The following RBM44 variants were observed in gnomAD, a reference collection of about 807,000 sequenced individuals.
The protein encoded by RBM44 is RNA-binding protein 44.
Under a neutral mutation model 105.1 loss-of-function variants are expected in RBM44, and 66 were observed. The observed-to-expected ratio is 0.63, with a 90% CI of 0.52 to 0.77. The LOEUF is 0.77. Ranked by LOEUF, RBM44 falls within the 30% of genes least tolerant of loss-of-function variation. The pLI is 0.00. For missense variants in RBM44, 1,122 were observed against 1,207.8 expected (o/e 0.93, Z 1.05); for synonymous variants, 365 against 417.6 (o/e 0.87, Z 1.54).
chr2:237,837,381 T>G (rs1051532018), intron 15 of RBM44, among the ~76,000 whole-genome samples: 1 of 152,160 alleles, frequency 6.6e-6, no homozygotes, highest in African/African-American at 2.4e-5. Context: ...GAAAACTTTA[T>G]GGAAAGGAGT....
intron 2 of RBM44, among the ~76,000 whole-genome samples, chr2:237,816,745 C>T (rs1204475810): frequency 1.3e-5 from 2 of 152,114 alleles, no homozygotes; most frequent in Non-Finnish European, 2.9e-5. Context: ...GGGTCTTGCC[C>T]TCATGACCTC....
intron 13 of RBM44, among the ~76,000 whole-genome samples, chr2:237,832,214 G>A (rs1485394933): frequency 6.6e-6 from 1 of 151,358 alleles, no homozygotes; most frequent in African/African-American, 2.4e-5. Context: ...GGGTGCAGTG[G>A]CACAACCACA....
At chr2:237,824,440 C>T (rs570912428) in intron 10 of RBM44, 21 bp downstream of exon 10, 32 of 1,603,272 alleles carry the variant, frequency 2.0e-5, no homozygotes, top group African/African-American at 2.7e-5. Context: ...AAGAATTTAC[C>T]GAGAAATCCT....
intron 15 of RBM44, among the ~76,000 whole-genome samples, chr2:237,838,482 C>T (rs1042238900): frequency 6.8e-6 from 1 of 147,408 alleles, no homozygotes; most frequent in South Asian, 2.4e-4. Context: ...TGTGGTAGGT[C>T]TCAATCAATA....
rs370125847 is a variant in RBM44 at position 237,817,176 on chromosome 2, A to G, written c.257A>G (p.Asp86Gly). Residue 86 changes from aspartate to glycine, a missense_variant, in exon 3 of 16, where the codon GAT becomes GGT. Asp to Gly is a moderately conservative substitution (Grantham distance 94). Around this residue, in one of 3 missense-constraint regions of RBM44, gnomAD observed 918 missense variants for 955.3 expected, o/e 0.96. Transcript: ENST00000316997. ...LLEPFFSVSQ[D>G]TNTESTQFQS... is the part of the protein sequence containing the mutation. ...GAGCCATTTTTTTCAGTGAGTCAAG[A>G]TACTAACACAGAGAGTACTCAGTTT... 1 of 1,604,944 alleles carries G rather than the reference A, an allele frequency of 6.2e-7. No individual in the cohort carries two copies. Among genetic ancestry groups the G allele is most frequent in the African/African-American group, 1.3e-5 (1 of 74,322 alleles).
At chr2:237,819,707 C>G (rs2061762452) in intron 4 of RBM44, among the ~76,000 whole-genome samples, 1 of 151,780 alleles carries the variant, frequency 6.6e-6, no homozygotes, top group Admixed American at 6.6e-5. Flanking sequence ...ATTAATGATC[C>G]TTAACTATTA....
At chr2:237,830,229 T>C (rs1183846040) in intron 13 of RBM44, among the ~76,000 whole-genome samples, 3 of 152,228 alleles carry the variant, frequency 2.0e-5, no homozygotes, top group Non-Finnish European at 4.4e-5. Context: ...TTTCCCTGAA[T>C]GCATTTGAGA....
chr2:237,837,827 G>C (rs62196144), intron 15 of RBM44, among the ~76,000 whole-genome samples: 3,265 of 151,386 alleles, frequency 0.022, 115 homozygotes, highest in Middle Eastern at 0.055. Flanking sequence ...GCTTTCTTGA[G>C]ATGCAGTCTA....
intron 1 of RBM44, among the ~76,000 whole-genome samples, chr2:237,806,680 G>A (rs2150968651): frequency 6.6e-6 from 1 of 152,322 alleles, no homozygotes; most frequent in East Asian, 1.9e-4. Flanking sequence ...AGAGAAGGGA[G>A]ATATATAAAA....
chr2:237,838,528 G>T (rs1250634138), intron 15 of RBM44, among the ~76,000 whole-genome samples: 3 of 152,098 alleles, frequency 2.0e-5, no homozygotes, highest in African/African-American at 4.8e-5. Context: ...TGTTTTATAG[G>T]TTCTAATATA....
rs2062013557 is a variant in RBM44, at chr2:237,841,753, C to T, written c.*23-86C>T. 1 of 152,090 alleles carries T rather than the reference C, an allele frequency of 6.6e-6. No homozygotes were observed. Among genetic ancestry groups the T allele is most frequent in the East Asian group, 1.9e-4 (1 of 5,194 alleles). 9.4% of individuals were successfully genotyped at this position (152,090 alleles called of 1,614,324 possible). On this transcript the variant is annotated intron_variant, in intron 15 of 15. Transcript: ENST00000316997. The surrounding 1 kb of genome is among the most constrained non-coding windows in gnomAD (Gnocchi z 4.5). ...AATTTGTTAAAAGATATTCTAGTAC[C>T]ATTAGAAACAATCAAGTGTCTAGGA...
intron 1 of RBM44, among the ~76,000 whole-genome samples, chr2:237,811,929 A>G (rs1425496066): frequency 1.3e-5 from 2 of 152,190 alleles, no homozygotes; most frequent in African/African-American, 2.4e-5. Context: ...ATCTCAGCTC[A>G]CTGCAACCTC....
intron 10 of RBM44, among the ~76,000 whole-genome samples, chr2:237,824,783 A>G (rs1157695622): frequency 1.3e-5 from 2 of 152,106 alleles, no homozygotes; most frequent in Non-Finnish European, 2.9e-5. Flanking sequence ...TAATTTGTCA[A>G]ATTGGTGTTA....
chr2:237,821,097 A>G lies in RBM44; in HGVS notation c.1940A>G (p.Lys647Arg), dbSNP rs1192254960. ...AATTTATCAAGTAATTCTGCTAAGA[A>G]GGAATTGGGATCAGCACTACTGTCT... ...NMNLSSNSAK[K>R]ELGSALLSLL... The change falls in exon 6 of 16, where the codon AAG becomes AGG. Residue 647 changes from lysine (K) to arginine (R), a missense_variant. Physicochemically the swap from Lys to Arg is conservative, Grantham distance 26 (BLOSUM62 2). Transcript: ENST00000316997. 4 of 1,584,630 alleles carry G rather than the reference A, an allele frequency of 2.5e-6. No homozygotes were observed. In the African/African-American group the frequency reaches 4.1e-5, roughly 16 times the overall value.
chr2:237,821,809 A>G lies in RBM44; in HGVS notation c.2187A>G (p.Leu729=), dbSNP rs1345075907. 6.2e-7 allele frequency: 1 copy of G among 1,606,140 alleles called. No individual in the cohort carries two copies. Among genetic ancestry groups the G allele is most frequent in the Admixed American group, 1.7e-5 (1 of 59,690 alleles). The change falls in exon 8 of 16, where the codon CTA becomes CTG. Residue 729 remains leucine (L), a synonymous_variant. Transcript: ENST00000316997. ...RAHDVDVSSN[L]KKTLSQMSLS... is the part of the protein sequence containing the mutation. Reference sequence around the variant, plus strand: ...ATGATGTTGATGTTTCTTCAAACCTAAAAAAGACACTCTCTCAAGTAAGGG... The same window carrying G: ...ATGATGTTGATGTTTCTTCAAACCTGAAAAAGACACTCTCTCAAGTAAGGG...
chr2:237,817,172 C>A lies in RBM44; in HGVS notation c.253C>A (p.Gln85Lys). ...DLLEPFFSVSQDTNTESTQFQ... is the reference protein window; with the variant it reads ...DLLEPFFSVSKDTNTESTQFQ... ...ATTAGAGCCATTTTTTTCAGTGAGT[C>A]AAGATACTAACACAGAGAGTACTCA... Residue 85 changes from glutamine to lysine, a missense_variant, in exon 3 of 16, where the codon CAA (glutamine) becomes AAA (lysine). Coordinates refer to ENST00000316997, the MANE Select transcript of RBM44 (RefSeq NM_001080504.3). 1.2e-6 allele frequency: 2 copies of A among 1,605,344 alleles called. No individual in the cohort carries two copies. The highest frequency in any genetic ancestry group is 2.2e-5 in the South Asian group (2 of 90,012).
At chr2:237,829,791 A>G (rs1389905898) in intron 13 of RBM44, among the ~76,000 whole-genome samples, 1 of 152,142 alleles carries the variant, frequency 6.6e-6, no homozygotes, top group Non-Finnish European at 1.5e-5. Context: ...ACTAATTATA[A>G]TTTCATCTTT....
At chr2:237,829,131 C>T (rs1335632320) in intron 12 of RBM44, 86 bp from the exon 13 acceptor site, 13 of 928,446 alleles carry the variant, frequency 1.4e-5, no homozygotes, top group East Asian at 2.6e-5. Context: ...TTGTGAAAAA[C>T]GTATTTGCAT....
chr2:237,799,125 A>G (rs1576490454), intron 1 of RBM44: 1 of 152,140 alleles, frequency 6.6e-6, no homozygotes, highest in Admixed American at 6.5e-5. Flanking sequence ...TCGTTCTCGA[A>G]CGAAGTCGCG....
Sources: allele counts gnomAD v4.1 joint callset (sites outside exome capture counted in the v4.1 genomes callset), GRCh38; gene constraint gnomAD v4.1.1; regional missense constraint gnomAD v4.1.1; non-coding constraint Gnocchi (gnomAD v3.1); transcripts MANE v1.5; gene names NCBI Gene and HGNC (gene_info 2026-07-23, HGNC 2026-07-21).